The following NBEAL1 variants were observed in gnomAD, a reference collection of about 807,000 sequenced individuals.
NBEAL1 encodes neurobeachin like 1.
NBEAL1 carries 273 observed loss-of-function variants against 351.3 expected under a neutral mutation model. The ratio of observed to expected loss-of-function variants is 0.78; its 90% confidence interval spans 0.70 to 0.86. The LOEUF is 0.86. NBEAL1 is among the 40% of genes least tolerant of loss of function. The pLI is 0.00. For missense variants in NBEAL1, 2,961 were observed against 3,201.3 expected, an observed-to-expected ratio of 0.92 and a Z score of 1.81; for synonymous variants, 1,050 against 1,086.4, an observed-to-expected ratio of 0.97 and a Z score of 0.66.
At chr2:203,040,964 T>C (rs2061131252) in intron 2 of NBEAL1, 1 of 284,368 alleles carries the variant, frequency 3.5e-6, no homozygotes. Context: ...GGAATTATCA[T>C]CAGGTATCTT....
At chr2:203,015,438 A>T in intron 1 of NBEAL1, among the ~76,000 whole-genome samples, 1 of 151,318 alleles carries the variant, frequency 6.6e-6, no homozygotes, top group South Asian at 2.1e-4. Flanking sequence ...CTGCCCTGCA[A>T]CACAGCAAAC....
At chr2:203,178,110 T>C (rs2064574982) in intron 42 of NBEAL1, among the ~76,000 whole-genome samples, 1 of 151,310 alleles carries the variant, frequency 6.6e-6, no homozygotes, top group South Asian at 2.1e-4. Context: ...TGAAGACATA[T>C]ATGCACACAA....
intron 35 of NBEAL1, among the ~76,000 whole-genome samples, chr2:203,155,813 T>C (rs2063784664): frequency 6.6e-6 from 1 of 152,166 alleles, no homozygotes; most frequent in Non-Finnish European, 1.5e-5. Flanking sequence ...CTTTTAGTCT[T>C]TTTTTCTAAA....
At chr2:203,131,321 T>G (rs1049695760) in intron 25 of NBEAL1, among the ~76,000 whole-genome samples, 1 of 152,196 alleles carries the variant, frequency 6.6e-6, no homozygotes, top group African/African-American at 2.4e-5. Flanking sequence ...GTACATGTGA[T>G]TCTCCTGCTT....
At chr2:203,175,482 A>G (rs1463181941) in intron 42 of NBEAL1, among the ~76,000 whole-genome samples, 195 bp downstream of exon 42, 1 of 152,172 alleles carries the variant, frequency 6.6e-6, no homozygotes, top group Non-Finnish European at 1.5e-5. Flanking sequence ...TTCCTTTTTC[A>G]GTGTTATCCC....
rs372878753 is a variant in NBEAL1 at position 203,056,483 on chromosome 2, C to T, written c.362C>T (p.Thr121Ile). The change falls in exon 5 of 56, where the codon ACC becomes ATC. Residue 121 changes from threonine to isoleucine, a missense_variant. Physicochemically the swap from Thr to Ile is moderately conservative, Grantham distance 89 (BLOSUM62 -1). Coordinates refer to ENST00000683969, the MANE Select transcript of NBEAL1 (RefSeq NM_001378026.1). ...TGCTCGTACATTAATTATGTCATCA[C>T]CATGACAACACTCTATATTCAGCAA... ...GTCSYINYVI[T>I]MTTLYIQQLK... 1.7e-5 allele frequency: 26 copies of T among 1,543,438 alleles called. No homozygotes were observed. Among genetic ancestry groups the T allele is most frequent in the African/African-American group, 2.7e-5 (2 of 73,460 alleles).
At chr2:203,023,565 A>G (rs770800240) in intron 2 of NBEAL1, among the ~76,000 whole-genome samples, 1 of 152,006 alleles carries the variant, frequency 6.6e-6, no homozygotes, top group Non-Finnish European at 1.5e-5. Context: ...TGTGGAGTAT[A>G]ATGTGCAGAT....
At chr2:203,048,331 G>A (rs1275013718) in intron 3 of NBEAL1, among the ~76,000 whole-genome samples, 1 of 147,016 alleles carries the variant, frequency 6.8e-6, no homozygotes, top group Admixed American at 6.9e-5. Flanking sequence ...GCAGTGAGCT[G>A]AGATCGCGCC....
intron 11 of NBEAL1, among the ~76,000 whole-genome samples, chr2:203,098,204 A>C (rs935825544): frequency 1.3e-5 from 2 of 152,210 alleles, no homozygotes; most frequent in Non-Finnish European, 2.9e-5. Flanking sequence ...CTCTCAATAC[A>C]TTAGGTAATT....
rs758111237 is a variant in NBEAL1 at position 203,016,350 on chromosome 2, T to A, written c.-35T>A. The A allele has an allele frequency of 2.1e-6, 3 of 1,424,010 alleles. No homozygotes were observed. The highest frequency in any genetic ancestry group is 2.8e-6 in the Non-Finnish European group (3 of 1,065,612). The allele number at this position is 1,424,010 out of a possible 1,614,324, so 88.2% of individuals were successfully genotyped here. On this transcript the variant is annotated 5_prime_UTR_variant, in exon 2 of 56. Transcript: ENST00000683969. ...GCTGTAGTCTTGAACATAATTTTTT[T>A]AAGGAAAACTTAAAGTGCCAGAGTG...
intron 35 of NBEAL1, among the ~76,000 whole-genome samples, chr2:203,152,095 T>C (rs1423787084): frequency 6.6e-6 from 1 of 151,742 alleles, no homozygotes; most frequent in Non-Finnish European, 1.5e-5. Context: ...GTAGCTGGGA[T>C]TACAGGCATA....
chr2:203,133,704 G>GATAT (rs139371910), intron 27 of NBEAL1, among the ~76,000 whole-genome samples: 57 of 143,466 alleles, frequency 4.0e-4, no homozygotes, highest in South Asian at 2.0e-3. Flanking sequence ...CACAGTTCTT[G>GATAT]ATATATATAT....
At chr2:203,173,771 G>A (rs2064396670) in intron 41 of NBEAL1, among the ~76,000 whole-genome samples, 1 of 151,982 alleles carries the variant, frequency 6.6e-6, no homozygotes, top group Non-Finnish European at 1.5e-5. Flanking sequence ...AAAGATACAA[G>A]TTGTTTTACA....
chr2:203,095,489 T>C (rs2062163231), intron 10 of NBEAL1, among the ~76,000 whole-genome samples: 1 of 152,022 alleles, frequency 6.6e-6, no homozygotes, highest in South Asian at 2.1e-4. Context: ...AGACGGGGTT[T>C]CCCCATGTTG....
At chr2:203,083,026 G>A (rs1300516521) in intron 8 of NBEAL1, among the ~76,000 whole-genome samples, 193 bp from the exon 9 acceptor site, 1 of 152,212 alleles carries the variant, frequency 6.6e-6, no homozygotes, top group Non-Finnish European at 1.5e-5. Flanking sequence ...AGAGTGTAAA[G>A]TGAGTTTTCT....
At chr2:203,153,236 G>A (rs549855399) in intron 35 of NBEAL1, among the ~76,000 whole-genome samples, 4 of 151,432 alleles carry the variant, frequency 2.6e-5, no homozygotes, top group East Asian at 1.9e-4. Context: ...GGGCTCAATC[G>A]ATCCTTCTGC....
chr2:203,026,765 G>A (rs879353474), intron 2 of NBEAL1, among the ~76,000 whole-genome samples: 2 of 152,128 alleles, frequency 1.3e-5, no homozygotes, highest in African/African-American at 2.4e-5. Context: ...TGCCTGCCTC[G>A]GCCTCCCAAA....
At chr2:203,030,525 C>T (rs539028131) in intron 2 of NBEAL1, among the ~76,000 whole-genome samples, 77 of 152,146 alleles carry the variant, frequency 5.1e-4, no homozygotes, top group Non-Finnish European at 9.7e-4. Context: ...AGGGACTAAC[C>T]GGAATGAGAA....
At chr2:203,192,790 C>T (rs2065127603) in intron 46 of NBEAL1, among the ~76,000 whole-genome samples, 1 of 151,844 alleles carries the variant, frequency 6.6e-6, no homozygotes, top group Non-Finnish European at 1.5e-5. Flanking sequence ...TTCTGTTTTG[C>T]CTTTTAACTG....
Sources: allele counts gnomAD v4.1 joint callset (sites outside exome capture counted in the v4.1 genomes callset), GRCh38; gene constraint gnomAD v4.1.1; transcripts MANE v1.5; gene names NCBI Gene and HGNC (gene_info 2026-07-23, HGNC 2026-07-21).